Variants in EPHA6 observed in about 807,000 individuals in gnomAD.
EPHA6 encodes ephrin type-A receptor 6.
EPHA6 carries 50 observed loss-of-function variants against 112.0 expected under a neutral mutation model. That is an observed-to-expected ratio of 0.45 (90% CI 0.36 to 0.56). The LOEUF (loss-of-function observed/expected upper bound fraction) is 0.56, where lower values mean the gene tolerates loss of function less well. Among genes scored for constraint, EPHA6 ranks in the 20% least tolerant of loss-of-function variants. EPHA6 has a pLI of 0.00. For synonymous variants in EPHA6, 529 were observed against 490.7 expected, an observed-to-expected ratio of 1.08 and a Z score of -1.03; for missense variants, 1,280 against 1,417.4, an observed-to-expected ratio of 0.90 and a Z score of 1.56.
At chr3:97,594,840 C>G (rs1047227954) in intron 12 of EPHA6, among the ~76,000 whole-genome samples, 3 of 152,200 alleles carry the variant, frequency 2.0e-5, no homozygotes, top group African/African-American at 7.2e-5. Flanking sequence ...TTTAAACACT[C>G]AGCTGAAGGT....
intron 13 of EPHA6, among the ~76,000 whole-genome samples, chr3:97,630,626 C>T (rs2093894716): frequency 6.6e-6 from 1 of 151,942 alleles, no homozygotes; most frequent in African/African-American, 2.4e-5. Flanking sequence ...ATAAATATTT[C>T]TTTTAAAGAC....
chr3:97,280,999 C>G (rs1040280235), intron 5 of EPHA6, among the ~76,000 whole-genome samples: 10 of 152,146 alleles, frequency 6.6e-5, no homozygotes, highest in Non-Finnish European at 1.2e-4. Flanking sequence ...ACATTTTTAT[C>G]TACATAGTTC....
chr3:97,205,749 A>C (rs1206517001), intron 3 of EPHA6, among the ~76,000 whole-genome samples: 1 of 152,106 alleles, frequency 6.6e-6, no homozygotes, highest in Non-Finnish European at 1.5e-5. Context: ...TGTGTATAGC[A>C]GAGTTTCTTT....
At chr3:96,865,593 G>C (rs1227517576) in intron 1 of EPHA6, among the ~76,000 whole-genome samples, 7 of 149,892 alleles carry the variant, frequency 4.7e-5, no homozygotes, top group African/African-American at 1.7e-4. Flanking sequence ...GAGGCAGGGG[G>C]ATCGCCTTGA....
rs568557310 is a variant in EPHA6, at chr3:97,262,087, A to G, written c.1606+17800A>G. Among the ~76,000 whole-genome samples the G allele has an allele frequency of 7.9e-5, 12 of 152,278 alleles. No homozygotes were observed. In the South Asian group the frequency reaches 2.5e-3, roughly 32 times the overall value. The stretch of plus-strand genomic sequence containing the variant: ...TGCTAGCCAGAAACATACTTTCATC[A>G]AAAAATAAATAATGAAAAGATTAAG... On this transcript the variant is annotated intron_variant, in intron 5 of 17. Transcript: ENST00000389672.
At chr3:96,890,097 A>AT (rs1389450938) in intron 2 of EPHA6, among the ~76,000 whole-genome samples, 1 of 151,536 alleles carries the variant, frequency 6.6e-6, no homozygotes, top group Non-Finnish European at 1.5e-5. Flanking sequence ...AATGGTAGAT[A>AT]TTTATTAAAC....
chr3:97,741,250 G>A (rs780348580), intron 16 of EPHA6, among the ~76,000 whole-genome samples: 2 of 152,034 alleles, frequency 1.3e-5, no homozygotes, highest in Non-Finnish European at 2.9e-5. Flanking sequence ...CTACTCGAGA[G>A]AGCAAGGTGG....
rs2035232859 is a variant in EPHA6, at chr3:97,735,907, G to T, written c.2935-18G>T. The T allele has an allele frequency of 6.3e-7, 1 of 1,583,102 alleles. No individual in the cohort carries two copies. Among genetic ancestry groups the T allele is most frequent in the African/African-American group, 1.4e-5 (1 of 74,030 alleles). ...CTGCCTAAAAATAAGAGAGTAATCTGTATATGTTTGCATTTAGGTCATTCT... is the reference window on the plus strand; with the variant it reads ...CTGCCTAAAAATAAGAGAGTAATCTTTATATGTTTGCATTTAGGTCATTCT... On this transcript the variant is annotated intron_variant, in intron 15 of 17. Transcript: ENST00000389672.
At chr3:96,940,051 G>T (rs768242028) in intron 2 of EPHA6, among the ~76,000 whole-genome samples, 2 of 152,092 alleles carry the variant, frequency 1.3e-5, no homozygotes, top group Non-Finnish European at 2.9e-5. Flanking sequence ...AATACGTGTG[G>T]TGTGGTGCTG....
At chr3:97,043,240 GA>G (rs1199654784) in intron 3 of EPHA6, among the ~76,000 whole-genome samples, 1 of 152,078 alleles carries the variant, frequency 6.6e-6, no homozygotes, top group Admixed American at 6.6e-5. Context: ...GGACCAGAGA[GA>G]AGATGTAATA....
At chr3:97,439,986 A>G (rs981496641) in intron 6 of EPHA6, among the ~76,000 whole-genome samples, 2 of 152,144 alleles carry the variant, frequency 1.3e-5, no homozygotes, top group Non-Finnish European at 2.9e-5. Flanking sequence ...CAATCAATTG[A>G]CATTACTAAA....
chr3:97,488,111 G>A (rs762332479), intron 10 of EPHA6, among the ~76,000 whole-genome samples: 36 of 152,058 alleles, frequency 2.4e-4, no homozygotes, highest in Admixed American at 1.6e-3. Context: ...TTCTTGTGTC[G>A]CTAAGCCCAT....
Position 97,696,225 on chromosome 3 carries a change from C to T in EPHA6, c.2785-24036C>T, listed in dbSNP as rs145720621. On this transcript the variant is annotated intron_variant, in intron 14 of 17. Transcript: ENST00000389672. Reference sequence around the variant, plus strand: ...TGCCACTGCTTTCTAGCTAAGGTCTCAGACCCATTCATAGTGTGAGGGGCT... The same window carrying T: ...TGCCACTGCTTTCTAGCTAAGGTCTTAGACCCATTCATAGTGTGAGGGGCT... 2.4e-3 allele frequency among the ~76,000 whole-genome samples: 362 copies of T among 152,314 alleles called. 3 individuals carry two copies. Among genetic ancestry groups the T allele is most frequent in the African/African-American group, 8.3e-3 (346 of 41,572 alleles).
chr3:97,126,291 A>C (rs962464878), intron 3 of EPHA6, among the ~76,000 whole-genome samples: 1 of 152,188 alleles, frequency 6.6e-6, no homozygotes, highest in African/African-American at 2.4e-5. Context: ...CAGAATCCAC[A>C]ACATGCACTG....
chr3:96,875,160 A>G (rs2036870963), intron 2 of EPHA6, among the ~76,000 whole-genome samples: 1 of 152,060 alleles, frequency 6.6e-6, no homozygotes, highest in Non-Finnish European at 1.5e-5. Flanking sequence ...CACCAGCACC[A>G]TTTTGAGACA....
At chr3:97,629,778 C>T (rs977263501) in intron 13 of EPHA6, among the ~76,000 whole-genome samples, 4 of 151,934 alleles carry the variant, frequency 2.6e-5, no homozygotes, top group Admixed American at 1.3e-4. Context: ...AGAGACTTCA[C>T]CAGATACATA....
intron 2 of EPHA6, among the ~76,000 whole-genome samples, chr3:96,895,888 G>A (rs1235518399): frequency 6.6e-6 from 1 of 152,176 alleles, no homozygotes; most frequent in African/African-American, 2.4e-5. Flanking sequence ...CATTGAATTT[G>A]AGGAGTAACC....
intron 2 of EPHA6, among the ~76,000 whole-genome samples, chr3:96,871,279 A>G (rs1335246665): frequency 1.3e-5 from 2 of 152,032 alleles, no homozygotes; most frequent in African/African-American, 4.8e-5. Context: ...ACATAAGGGA[A>G]AGGACTTGAT....
chr3:97,439,225 T>C (rs2090010208), intron 6 of EPHA6, among the ~76,000 whole-genome samples: 1 of 152,176 alleles, frequency 6.6e-6, no homozygotes, highest in South Asian at 2.1e-4. Context: ...GGGTTATCTG[T>C]AATTTTGGAT....
Sources: gnomAD v4.1 joint callset for allele counts (sites outside exome capture counted in the v4.1 genomes callset) on GRCh38, gnomAD v4.1.1 for gene constraint, MANE v1.5 for transcripts, NCBI Gene and HGNC (gene_info 2026-07-23, HGNC 2026-07-21) for gene names.